OR1L6: variants seen among roughly 807,000 people sequenced by gnomAD.
The protein encoded by OR1L6 is olfactory receptor 1L6.
A neutral mutation model predicts 3.0 loss-of-function variants in OR1L6; 2 were observed. That is an observed-to-expected ratio of 0.68 (90% CI 0.28 to 2.13). OR1L6 has a LOEUF of 2.13. Among genes scored for constraint, OR1L6 ranks in the 30% most tolerant of loss-of-function variants. The probability of loss-of-function intolerance (pLI) is 0.14; values close to 1 mark genes in which losing one functional copy is unlikely to be tolerated. For missense variants in OR1L6, 304 were observed against 378.4 expected (o/e 0.80, Z 1.63); for synonymous variants, 121 against 148.4 (o/e 0.82, Z 1.34).
At chr9:122,747,454 C>T (rs1447520566) in intron 1 of OR1L6, among the ~76,000 whole-genome samples, 1 of 151,906 alleles carries the variant, frequency 6.6e-6, no homozygotes, top group African/African-American at 2.4e-5. Flanking sequence ...TTTAGAAAAA[C>T]TTTCACAAGT....
intron 1 of OR1L6, among the ~76,000 whole-genome samples, chr9:122,747,400 A>C (rs1316455594): frequency 6.6e-6 from 1 of 151,988 alleles, no homozygotes; most frequent in East Asian, 1.9e-4. Context: ...ATTTTTTTCA[A>C]AATTATTTCA....
At position 122,750,273 on chromosome 9, in the gene OR1L6, C is replaced by T; in HGVS notation, c.426C>T (p.Cys142=). 1.2e-6 allele frequency: 2 copies of T among 1,614,092 alleles called. No homozygotes were observed. The highest frequency in any genetic ancestry group is 1.7e-6 in the Non-Finnish European group (2 of 1,180,012). Residue 142 remains cysteine (C), a synonymous_variant, in exon 2 of 2, where the codon TGC becomes TGT. Coordinates refer to ENST00000304720, the MANE Select transcript of OR1L6 (RefSeq NM_001004453.3). ...ATGTGGTTATGAAACCACGGCATTG[C>T]CTGCTCATGCTATTGGGTTCTTGCA... is the stretch of plus-strand genomic sequence containing the variant. ...HYDVVMKPRH[C]LLMLLGSCSI... is the part of the protein sequence containing the mutation.
At chr9:122,746,461 GT>G (rs1188929746) in intron 1 of OR1L6, among the ~76,000 whole-genome samples, 14 of 152,054 alleles carry the variant, frequency 9.2e-5, no homozygotes, top group Non-Finnish European at 1.6e-4. Context: ...ACTATAAACT[GT>G]TTAATAAATC....
intron 1 of OR1L6, among the ~76,000 whole-genome samples, chr9:122,748,498 G>C (rs1387551158): frequency 6.6e-6 from 1 of 152,088 alleles, no homozygotes; most frequent in Non-Finnish European, 1.5e-5. Context: ...AGGCCACTTA[G>C]AAGTTCCGAA....
intron 1 of OR1L6, among the ~76,000 whole-genome samples, chr9:122,748,558 C>A (rs1338252477): frequency 1.3e-5 from 2 of 152,130 alleles, no homozygotes; most frequent in African/African-American, 2.4e-5. Flanking sequence ...TTATGGGGTG[C>A]AAGTACAGTT....
chr9:122,749,954 A>G lies in OR1L6; in HGVS notation c.107A>G (p.Tyr36Cys), dbSNP rs1282985613. Reference protein sequence around the residue: ...KPLFAIFLIMYLLAAVGNVLI... With the variant: ...KPLFAIFLIMCLLAAVGNVLI... Reference sequence around the variant, plus strand: ...CTCTTTGCCATCTTCCTCATCATGTACCTGCTCGCTGCGGTGGGGAATGTG... The same window carrying G: ...CTCTTTGCCATCTTCCTCATCATGTGCCTGCTCGCTGCGGTGGGGAATGTG... Residue 36 changes from tyrosine (Y) to cysteine (C), a missense_variant, in exon 2 of 2, where the codon TAC becomes TGC. By Grantham distance (194) the Tyr-to-Cys change is radical (BLOSUM62 -2). Coordinates refer to ENST00000304720, the MANE Select transcript of OR1L6 (RefSeq NM_001004453.3). 1 of 1,614,014 alleles carries G rather than the reference A, an allele frequency of 6.2e-7. No individual in the cohort carries two copies. Among genetic ancestry groups the G allele is most frequent in the South Asian group, 1.1e-5 (1 of 91,062 alleles).
In OR1L6 at chr9:122,748,303, C is replaced by T. The variant is rs527435938; in HGVS notation, c.-13-1532C>T. On this transcript the variant is annotated intron_variant, in intron 1 of 1. Coordinates refer to ENST00000304720, the MANE Select transcript of OR1L6 (RefSeq NM_001004453.3). Reference sequence around the variant, plus strand: ...TCATCACCACCTCCAGAACTATGAGCAGGAGAGGACCCTGAATGAAAGGGT... The same window carrying T: ...TCATCACCACCTCCAGAACTATGAGTAGGAGAGGACCCTGAATGAAAGGGT... Among the ~76,000 whole-genome samples, 7 of 152,002 alleles carry T rather than the reference C, an allele frequency of 4.6e-5. No individual in the cohort carries two copies. In the East Asian group the frequency reaches 1.4e-3, roughly 29 times the overall value.
intron 1 of OR1L6, among the ~76,000 whole-genome samples, chr9:122,744,591 T>A (rs1304354932): frequency 6.6e-6 from 1 of 152,220 alleles, no homozygotes; most frequent in East Asian, 1.9e-4. Context: ...CCTTTTAAAG[T>A]GAAATGATGT....
intron 1 of OR1L6, among the ~76,000 whole-genome samples, chr9:122,744,190 T>A (rs1382534716): frequency 6.6e-6 from 1 of 152,224 alleles, no homozygotes; most frequent in African/African-American, 2.4e-5. Context: ...TCCAGTTTAG[T>A]CAATTCTCTA....
At chr9:122,743,146 G>A (rs1405508247) in intron 1 of OR1L6, among the ~76,000 whole-genome samples, 1 of 152,190 alleles carries the variant, frequency 6.6e-6, no homozygotes, top group Non-Finnish European at 1.5e-5. Flanking sequence ...GCTGATCACA[G>A]GTAGGGGAGG....
chr9:122,744,414 C>T (rs1219312529), intron 1 of OR1L6, among the ~76,000 whole-genome samples: 1 of 152,044 alleles, frequency 6.6e-6, no homozygotes, highest in African/African-American at 2.4e-5. Flanking sequence ...TGTGTACTCC[C>T]TGGTTTCATT....
rs1462245348 is a variant in OR1L6 at position 122,750,736 on chromosome 9, G to T, written c.889G>T (p.Asp297Tyr). ...TTTCATCTACAGCCTGAGGAACAAA[G>T]ATATGAAGAGGGGTTTGAAGAAATT... is the stretch of plus-strand genomic sequence containing the variant. ...NPFIYSLRNK[D>Y]MKRGLKKLQD... is the part of the protein sequence containing the mutation. Residue 297 changes from aspartate (D) to tyrosine (Y), a missense_variant, in exon 2 of 2, where the codon GAT becomes TAT. Transcript: ENST00000304720. The T allele has an allele frequency of 8.1e-6, 13 of 1,611,922 alleles. No homozygotes were observed. Among genetic ancestry groups the T allele is most frequent in the Non-Finnish European group, 1.1e-5 (13 of 1,179,628 alleles).
chr9:122,743,567 T>C (rs898764485), intron 1 of OR1L6, among the ~76,000 whole-genome samples: 4 of 152,158 alleles, frequency 2.6e-5, no homozygotes, highest in African/African-American at 9.7e-5. Flanking sequence ...CCAATCTGCT[T>C]GCCTTACTGC....
chr9:122,749,791 C>T, intron 1 of OR1L6, 44 bp from the exon 2 acceptor site: 2 of 1,558,368 alleles, frequency 1.3e-6, no homozygotes, highest in Middle Eastern at 1.7e-4. Flanking sequence ...CTTGGTCAAA[C>T]TGCCCTTTAC....
At chr9:122,749,410 T>C (rs934804813) in intron 1 of OR1L6, among the ~76,000 whole-genome samples, 1 of 152,230 alleles carries the variant, frequency 6.6e-6, no homozygotes, top group Admixed American at 6.5e-5. Flanking sequence ...ATTGAAAATC[T>C]TCAGTTTCTA....
chr9:122,750,121 G>T lies in OR1L6; in HGVS notation c.274G>T (p.Val92Phe), dbSNP rs756312217. 6.2e-7 allele frequency: 1 copy of T among 1,613,786 alleles called. No homozygotes were observed. Among genetic ancestry groups the T allele is most frequent in the African/African-American group, 1.3e-5 (1 of 75,028 alleles). ...MLVNFLSETKVISYVGCLAQM... is the reference protein window; with the variant it reads ...MLVNFLSETKFISYVGCLAQM... Reference sequence around the variant, plus strand: ...GGTGAATTTTCTATCAGAGACAAAGGTTATCTCCTATGTGGGCTGCCTGGC... The same window carrying T: ...GGTGAATTTTCTATCAGAGACAAAGTTTATCTCCTATGTGGGCTGCCTGGC... The change falls in exon 2 of 2, where the codon GTT becomes TTT. Residue 92 changes from valine to phenylalanine, a missense_variant. Physicochemically the swap from Val to Phe is conservative, Grantham distance 50. Coordinates refer to ENST00000304720, the MANE Select transcript of OR1L6 (RefSeq NM_001004453.3).
intron 1 of OR1L6, among the ~76,000 whole-genome samples, chr9:122,743,436 C>T (rs1343707905): frequency 5.3e-5 from 8 of 152,256 alleles, no homozygotes; most frequent in African/African-American, 1.9e-4. Context: ...ATGAGGTAAA[C>T]CTCTAATTTG....
Position 122,750,392 on chromosome 9 carries a change from C to T in OR1L6, c.545C>T (p.Thr182Ile). ...SHIIKHFFCD[T>I]QPVLKLSCSD... ...ATCATTAAGCACTTTTTCTGTGACA[C>T]CCAGCCTGTGCTAAAGCTCTCCTGC... Residue 182 changes from threonine (T) to isoleucine (I), a missense_variant, in exon 2 of 2, where the codon ACC (threonine) becomes ATC (isoleucine). Physicochemically the swap from Thr to Ile is moderately conservative, Grantham distance 89. Transcript: ENST00000304720. 1.2e-6 allele frequency: 2 copies of T among 1,611,512 alleles called. No individual in the cohort carries two copies. Among genetic ancestry groups the T allele is most frequent in the South Asian group, 1.1e-5 (1 of 90,894 alleles).
At chr9:122,745,739 C>T (rs1305005763) in intron 1 of OR1L6, among the ~76,000 whole-genome samples, 4 of 151,834 alleles carry the variant, frequency 2.6e-5, no homozygotes, top group African/African-American at 7.3e-5. Flanking sequence ...TAAATACAGA[C>T]AATACAATAT....
Sources: allele counts gnomAD v4.1 joint callset (sites outside exome capture counted in the v4.1 genomes callset), GRCh38; gene constraint gnomAD v4.1.1; transcripts MANE v1.5; gene names NCBI Gene and HGNC (gene_info 2026-07-23, HGNC 2026-07-21).